Variants in PIP4P2 observed in about 807,000 individuals in gnomAD.
The protein encoded by PIP4P2 is type 2 phosphatidylinositol 4,5-bisphosphate 4-phosphatase.
In PIP4P2, 19 loss-of-function variants were observed where a neutral mutation model predicts 33.3. The ratio of observed to expected loss-of-function variants is 0.57; its 90% CI spans 0.40 to 0.84. PIP4P2 has a LOEUF of 0.84. Ranked by LOEUF, PIP4P2 falls within the 40% of genes least tolerant of loss-of-function variation. The pLI, the probability that PIP4P2 is intolerant of heterozygous loss-of-function variation, is 0.00. For missense variants in PIP4P2, 270 were observed against 324.7 expected (o/e 0.83, Z 1.29); for synonymous variants, 110 against 111.9 (o/e 0.98, Z 0.11).
chr8:91,032,461 T>C (rs1403031624), intron 1 of PIP4P2, among the ~76,000 whole-genome samples: 1 of 151,970 alleles, frequency 6.6e-6, no homozygotes, highest in African/African-American at 2.4e-5. Context: ...CCATTCCCAA[T>C]TTATTGAATA....
At chr8:91,023,968 A>G (rs996814647) in intron 1 of PIP4P2, among the ~76,000 whole-genome samples, 1 of 151,746 alleles carries the variant, frequency 6.6e-6, no homozygotes, top group African/African-American at 2.4e-5. Context: ...CATTAACCCT[A>G]CTCTCCTTGC....
intron 1 of PIP4P2, among the ~76,000 whole-genome samples, chr8:91,031,097 T>C (rs1347331889): frequency 2.0e-5 from 3 of 152,210 alleles, no homozygotes; most frequent in Non-Finnish European, 2.9e-5. Context: ...GCATGTCTGA[T>C]AGTTTTAATA....
At chr8:91,029,827 C>T (rs1410038372) in intron 1 of PIP4P2, among the ~76,000 whole-genome samples, 4 of 152,052 alleles carry the variant, frequency 2.6e-5, no homozygotes, top group South Asian at 2.1e-4. Context: ...ATTAGCCGGG[C>T]GTGGTGGCGG....
rs777886044 is a variant in PIP4P2, at chr8:91,040,775, G to A, written c.-26C>T. 58 of 1,607,310 alleles carry A rather than the reference G, an allele frequency of 3.6e-5. 1 individual carries two copies. In the South Asian group the frequency reaches 6.3e-4, roughly 17 times the overall value. ...GACTGCGGCAGCGGCGGGGCCTGGG[G>A]AGGCCGAGCCGGGGTTGCGGCCTCG... On this transcript the variant is annotated 5_prime_UTR_variant, in exon 1 of 7. Transcript: ENST00000285419.
intron 5 of PIP4P2, among the ~76,000 whole-genome samples, chr8:90,999,388 G>T (rs1223526576): frequency 6.6e-6 from 1 of 152,054 alleles, no homozygotes; most frequent in African/African-American, 2.4e-5. Context: ...GCCTAGGGTT[G>T]GTAGTCAGCT....
At chr8:91,030,799 G>GT (rs1812152354) in intron 1 of PIP4P2, among the ~76,000 whole-genome samples, 1 of 152,020 alleles carries the variant, frequency 6.6e-6, no homozygotes, top group Non-Finnish European at 1.5e-5. Context: ...TCATCTCATT[G>GT]TTTTTTCATT....
intron 4 of PIP4P2, among the ~76,000 whole-genome samples, chr8:91,015,073 A>AGAC (rs2130363911): frequency 6.6e-6 from 1 of 152,274 alleles, no homozygotes; most frequent in South Asian, 2.1e-4. Context: ...CAGGCACAGA[A>AGAC]GACGGCACGA....
chr8:91,023,778 C>T (rs1405331941), intron 1 of PIP4P2, among the ~76,000 whole-genome samples: 2 of 152,036 alleles, frequency 1.3e-5, no homozygotes, highest in African/African-American at 2.4e-5. Flanking sequence ...ATGATGCTTA[C>T]TAAATGTTTA....
At chr8:91,015,781 G>A (rs55713145) in intron 4 of PIP4P2, among the ~76,000 whole-genome samples, 2,657 of 152,288 alleles carry the variant, frequency 0.017, 86 homozygotes, top group African/African-American at 0.059. Context: ...TTCGCATTCT[G>A]TATTTGTCTT....
At chr8:90,999,667 A>C (rs1811677862) in intron 5 of PIP4P2, among the ~76,000 whole-genome samples, 2 of 152,106 alleles carry the variant, frequency 1.3e-5, no homozygotes, top group African/African-American at 4.8e-5. Context: ...AAGGAAGGAG[A>C]AAACAGCAGT....
intron 6 of PIP4P2, among the ~76,000 whole-genome samples, chr8:90,996,421 C>A (rs1230234119): frequency 6.6e-6 from 1 of 151,956 alleles, no homozygotes; most frequent in Non-Finnish European, 1.5e-5. Flanking sequence ...AAATCCCCAA[C>A]AGTAAGGACT....
intron 1 of PIP4P2, among the ~76,000 whole-genome samples, chr8:91,027,133 T>C (rs927104075): frequency 1.3e-5 from 2 of 152,204 alleles, no homozygotes; most frequent in Admixed American, 1.3e-4. Context: ...ATTGTGCAAA[T>C]TGCAAAATTA....
chr8:90,995,691 G>C lies in PIP4P2; in HGVS notation c.760C>G (p.His254Asp), dbSNP rs769826071. 8 of 1,611,990 alleles carry C rather than the reference G, an allele frequency of 5.0e-6. No homozygotes were observed. Among genetic ancestry groups the C allele is most frequent in the Non-Finnish European group, 6.8e-6 (8 of 1,179,212 alleles). ...WGAIRVSYPE[H>D]SFA ...CATAAACAAGCTTATGCAAAACTGTGTTCTGGATAACTGACTCTTATGGCT... is the reference window on the plus strand; with the variant it reads ...CATAAACAAGCTTATGCAAAACTGTCTTCTGGATAACTGACTCTTATGGCT... Residue 254 changes from histidine (H) to aspartate (D), a missense_variant, in exon 7 of 7, where the codon CAC (histidine) becomes GAC (aspartate). By Grantham distance (81) the His-to-Asp change is moderately conservative (BLOSUM62 -1). Transcript: ENST00000285419.
Position 91,020,245 on chromosome 8 carries a change from T to A in PIP4P2, c.274A>T (p.Thr92Ser). The A allele has an allele frequency of 6.2e-7, 1 of 1,613,678 alleles. No individual in the cohort carries two copies. The highest frequency in any genetic ancestry group is 8.5e-7 in the Non-Finnish European group (1 of 1,179,746). Reference protein sequence around the residue: ...NEATPIKNPPTGKKYVRCPCN... With the variant: ...NEATPIKNPPSGKKYVRCPCN... ...GGGCATCTAACATATTTCTTGCCTG[T>A]TGGGGGGTTTTTGATTGGCTGGATA... Residue 92 changes from threonine (T) to serine (S), a missense_variant, in exon 3 of 7, where the codon ACA (threonine) becomes TCA (serine). Coordinates refer to ENST00000285419, the MANE Select transcript of PIP4P2 (RefSeq NM_018710.3).
At chr8:91,008,914 C>G in intron 4 of PIP4P2, 119 bp from the exon 5 acceptor site, 1 of 752,058 alleles carries the variant, frequency 1.3e-6, no homozygotes, top group Non-Finnish European at 2.1e-6. Flanking sequence ...ATCACCTTCT[C>G]ACGGTTACAT....
At chr8:91,004,631 G>A (rs901782995) in intron 5 of PIP4P2, among the ~76,000 whole-genome samples, 3 of 152,180 alleles carry the variant, frequency 2.0e-5, no homozygotes, top group African/African-American at 7.2e-5. Flanking sequence ...GGGATGGATA[G>A]CTAATTGTGC....
rs534255516 is a variant in PIP4P2, at chr8:91,026,998, C to CCGGT, written c.107-5598_107-5595dup. On this transcript the variant is annotated intron_variant, in intron 1 of 6. Coordinates refer to ENST00000285419, the MANE Select transcript of PIP4P2 (RefSeq NM_018710.3). ...CTCTACAGACAGAAAATGAGAAGCT[C>CCGGT]CGGTCTTTAAATTCTCAGCTCAAGT... 2.8e-4 allele frequency among the ~76,000 whole-genome samples: 43 copies of CCGGT among 152,246 alleles called. No individual in the cohort carries two copies. In the East Asian group the frequency reaches 8.3e-3, roughly 29 times the overall value.
At chr8:91,021,552 T>C (rs954647905) in intron 1 of PIP4P2, 148 bp from the exon 2 acceptor site, 15 of 853,284 alleles carry the variant, frequency 1.8e-5, no homozygotes, top group Non-Finnish European at 2.6e-5. Context: ...TTATCTTACT[T>C]TTAGAGCACA....
At chr8:90,997,278 A>G (rs976321276) in intron 5 of PIP4P2, among the ~76,000 whole-genome samples, 23 of 152,026 alleles carry the variant, frequency 1.5e-4, no homozygotes, top group African/African-American at 5.6e-4. Flanking sequence ...TATAGCATGA[A>G]CTTTTTCCCA....
Sources: gnomAD v4.1 joint callset for allele counts (sites outside exome capture counted in the v4.1 genomes callset) on GRCh38, gnomAD v4.1.1 for gene constraint, MANE v1.5 for transcripts, NCBI Gene and HGNC (gene_info 2026-07-23, HGNC 2026-07-21) for gene names.